NCSTN: variants seen among roughly 807,000 people sequenced by gnomAD.
NCSTN encodes the protein anterior pharynx-defective 2.
Under a neutral mutation model 87.0 loss-of-function variants are expected in NCSTN, and 22 were observed. That is an observed-to-expected ratio of 0.25 (90% CI 0.18 to 0.36). NCSTN has a LOEUF of 0.36. Among genes scored for constraint, NCSTN ranks in the 10% least tolerant of loss-of-function variants. The probability of loss-of-function intolerance (pLI) is 1.00; values close to 1 mark genes in which losing one functional copy is unlikely to be tolerated. For missense variants in NCSTN, 693 were observed against 883.3 expected, an observed-to-expected ratio of 0.78 and a Z score of 2.73; for synonymous variants, 306 against 327.1, an observed-to-expected ratio of 0.94 and a Z score of 0.69.
intron 7 of NCSTN, 55 bp downstream of exon 7, chr1:160,351,860 G>GGCCCC: frequency 6.7e-7 from 1 of 1,490,876 alleles, no homozygotes; most frequent in Non-Finnish European, 9.4e-7. Flanking sequence ...AGAGCTGGTA[G>GGCCCC]GCCCCGCTCT....
chr1:160,343,880 G>A (rs922628072), intron 1 of NCSTN: 9 of 423,114 alleles, frequency 2.1e-5, no homozygotes, highest in African/African-American at 1.5e-4. Context: ...GCTGTGCGGC[G>A]CTTAAAAGGT....
intron 2 of NCSTN, 119 bp from the exon 3 acceptor site, chr1:160,348,880 C>A: frequency 7.1e-7 from 1 of 1,416,104 alleles, no homozygotes; most frequent in Non-Finnish European, 1.0e-6. Flanking sequence ...CTAGAGGTGC[C>A]TGTATTCACC....
chr1:160,357,173 A>G lies in NCSTN; in HGVS notation c.1927A>G (p.Thr643Ala), dbSNP rs1649173490. The G allele has an allele frequency of 1.2e-6, 2 of 1,614,032 alleles. No homozygotes were observed. Among genetic ancestry groups the G allele is most frequent in the African/African-American group, 1.3e-5 (1 of 74,912 alleles). ...CTTTGAACTGAGTCAGTGGAGCTCTACTGAATACTCTACATGGACTGAGAG... is the reference window on the plus strand; with the variant it reads ...CTTTGAACTGAGTCAGTGGAGCTCTGCTGAATACTCTACATGGACTGAGAG... ...PAFELSQWSS[T>A]EYSTWTESRW... is the part of the protein sequence containing the mutation. The change falls in exon 16 of 17, where the codon ACT becomes GCT. Residue 643 changes from threonine (T) to alanine (A), a missense_variant. Physicochemically the swap from Thr to Ala is moderately conservative, Grantham distance 58. This residue lies in a region of NCSTN where 216 missense variants were observed against 311.7 expected (regional missense o/e 0.69). Transcript: ENST00000294785.
chr1:160,344,374 A>T, intron 1 of NCSTN: 1 of 1,135,104 alleles, frequency 8.8e-7, no homozygotes, highest in South Asian at 1.7e-5. Flanking sequence ...TTAGTAATAT[A>T]CATACAGGAT....
rs780695633 is a variant in NCSTN, at chr1:160,357,163, G to C, written c.1917G>C (p.Gln639His). 6.2e-7 allele frequency: 1 copy of C among 1,614,150 alleles called. No homozygotes were observed. Among genetic ancestry groups the C allele is most frequent in the Non-Finnish European group, 8.5e-7 (1 of 1,180,014 alleles). The change falls in exon 16 of 17, where the codon CAG becomes CAC. Residue 639 changes from glutamine (Q) to histidine (H), a missense_variant. Around this residue, in one of 4 missense-constraint regions of NCSTN, gnomAD observed 216 missense variants for 311.7 expected, o/e 0.69. Transcript: ENST00000294785. ...RALSPAFELS[Q>H]WSSTEYSTWT... ...TGTCTCCTGCCTTTGAACTGAGTCA[G>C]TGGAGCTCTACTGAATACTCTACAT... is the stretch of plus-strand genomic sequence containing the variant.
intron 10 of NCSTN, chr1:160,353,564 C>T (rs1648983087): frequency 4.0e-6 from 5 of 1,242,788 alleles, no homozygotes; most frequent in South Asian, 3.3e-5. Context: ...GGCTGCTCTA[C>T]CCAAGTCCTG....
At position 160,357,232 on chromosome 1, in the gene NCSTN, C is replaced by T. The variant is rs565309082; in HGVS notation, c.1986C>T (p.Leu662=). Residue 662 remains leucine, a synonymous_variant, in exon 16 of 17, where the codon CTC becomes CTT. Coordinates refer to ENST00000294785, the MANE Select transcript of NCSTN (RefSeq NM_015331.3). ...RWKDIRARIF[L]IASKELELIT... ...AAGATATCCGTGCCCGGATATTTCT[C>T]ATCGCCAGCAAAGAGCTTGAGGTGA... The T allele has an allele frequency of 6.2e-6, 10 of 1,613,736 alleles. No individual in the cohort carries two copies. In the African/African-American group the frequency reaches 1.2e-4, roughly 19 times the overall value.
At chr1:160,344,885 A>G (rs1245611003) in intron 2 of NCSTN, 59 bp downstream of exon 2, 1 of 1,393,364 alleles carries the variant, frequency 7.2e-7, no homozygotes, top group Non-Finnish European at 1.0e-6. Flanking sequence ...CCTAGATACT[A>G]AGTAACATCC....
chr1:160,356,514 T>C, intron 14 of NCSTN, 86 bp from the exon 15 acceptor site: 2 of 1,561,912 alleles, frequency 1.3e-6, no homozygotes, highest in Non-Finnish European at 1.8e-6. Flanking sequence ...ATTGCCCTTC[T>C]TTCTGGCTGC....
intron 4 of NCSTN, 141 bp from the exon 5 acceptor site, chr1:160,349,964 T>C: frequency 2.8e-6 from 3 of 1,087,640 alleles, no homozygotes; most frequent in Admixed American, 1.7e-5. Context: ...TGGATGGTAA[T>C]AGACTTCATG....
chr1:160,345,864 A>G (rs114858223), intron 2 of NCSTN, among the ~76,000 whole-genome samples: 2,506 of 139,578 alleles, frequency 0.018, 27 homozygotes, highest in Non-Finnish European at 0.026. Flanking sequence ...CCTTGAGCCC[A>G]GGAGGCGGAG....
intron 5 of NCSTN, 60 bp downstream of exon 5, chr1:160,350,310 G>T: frequency 1.3e-6 from 2 of 1,593,446 alleles, no homozygotes; most frequent in Non-Finnish European, 1.7e-6. Context: ...TTTCTAGCCA[G>T]GTGTGGTGGT....
Position 160,351,601 on chromosome 1 carries a change from G to C in NCSTN, c.734-95G>C. 2.3e-6 allele frequency: 3 copies of C among 1,315,610 alleles called. No homozygotes were observed. The South Asian group carries it at 3.5e-5, about 16-fold the overall frequency. The allele number at this position is 1,315,610 out of a possible 1,614,324, so 81.5% of individuals were successfully genotyped here. ...TTGGAAGTAGAGAAAACGACTTAGA[G>C]TCCGTGGGGCACTGGTCAGAGATTT... On this transcript the variant is annotated intron_variant, in intron 6 of 16. Transcript: ENST00000294785.
chr1:160,352,987 G>A lies in NCSTN; in HGVS notation c.1097G>A (p.Gly366Glu). The change falls in exon 9 of 17, where the codon GGA becomes GAA. Residue 366 changes from glycine (G) to glutamate (E), a missense_variant. Gly to Glu is a moderately conservative substitution (Grantham distance 98). Around this residue, in one of 4 missense-constraint regions of NCSTN, gnomAD observed 134 missense variants for 226.0 expected, o/e 0.59. Transcript: ENST00000294785. Reference sequence around the variant, plus strand: ...AATGTTGACTCATTTGTGGAGCTGGGACAGGTATGTGGCATGTCCCCCAGC... The same window carrying A: ...AATGTTGACTCATTTGTGGAGCTGGAACAGGTATGTGGCATGTCCCCCAGC... Reference protein sequence around the residue: ...LENVDSFVELGQVALRTSLEL... With the variant: ...LENVDSFVELEQVALRTSLEL... 2 of 1,613,510 alleles carry A rather than the reference G, an allele frequency of 1.2e-6. No individual in the cohort carries two copies. The highest frequency in any genetic ancestry group is 4.5e-5 in the East Asian group (2 of 44,878).
Position 160,355,677 on chromosome 1 carries a change from A to G in NCSTN, c.1375A>G (p.Thr459Ala). The G allele has an allele frequency of 6.2e-7, 1 of 1,614,136 alleles. No homozygotes were observed. Among genetic ancestry groups the G allele is most frequent in the African/African-American group, 1.3e-5 (1 of 75,070 alleles). The change falls in exon 12 of 17, where the codon ACT (threonine) becomes GCT (alanine). Residue 459 changes from threonine to alanine, a missense_variant. Around this residue, in one of 4 missense-constraint regions of NCSTN, gnomAD observed 108 missense variants for 111.6 expected, o/e 0.97. Transcript: ENST00000294785. Reference protein sequence around the residue: ...HNKYYQSIYDTAENINVSYPE... With the variant: ...HNKYYQSIYDAAENINVSYPE... ...CAGATATTACCAGAGTATTTACGACACTGCTGAGAACATTAATGTGAGCTA... is the reference window on the plus strand; with the variant it reads ...CAGATATTACCAGAGTATTTACGACGCTGCTGAGAACATTAATGTGAGCTA...
intron 12 of NCSTN, 21 bp from the exon 13 acceptor site, chr1:160,355,842 C>A: frequency 6.2e-7 from 1 of 1,610,250 alleles, no homozygotes; most frequent in South Asian, 1.1e-5. Context: ...GGCCATTCAG[C>A]CCCCTCCTCA....
At chr1:160,356,391 G>C in intron 14 of NCSTN, 44 bp downstream of exon 14, 1 of 1,528,290 alleles carries the variant, frequency 6.5e-7, no homozygotes, top group South Asian at 1.1e-5. Flanking sequence ...TGAGGAAAGG[G>C]ATAGAGAAAA....
rs770064036 is a variant in NCSTN, at chr1:160,349,119, C to T, written c.311C>T (p.Thr104Ile). ...GTTCTGCTGGAGAGCAAGCATTTTA[C>T]CAGGTAAGAACTAGATGTATCTGCT... ...YMVLLESKHF[T>I]RDLMEKLKGR... Residue 104 changes from threonine to isoleucine, a missense_variant, in exon 3 of 17, where the codon ACC (threonine) becomes ATC (isoleucine). Around this residue, in one of 4 missense-constraint regions of NCSTN, gnomAD observed 235 missense variants for 233.9 expected, o/e 1.00. Coordinates refer to ENST00000294785, the MANE Select transcript of NCSTN (RefSeq NM_015331.3). 6.2e-7 allele frequency: 1 copy of T among 1,614,124 alleles called. No homozygotes were observed. The highest frequency in any genetic ancestry group is 1.1e-5 in the South Asian group (1 of 91,088).
At chr1:160,357,683 G>A (rs1649197215) in intron 16 of NCSTN, among the ~76,000 whole-genome samples, 1 of 152,210 alleles carries the variant, frequency 6.6e-6, no homozygotes, top group Non-Finnish European at 1.5e-5. Flanking sequence ...TGGGATTATA[G>A]GCGTGAGCCA....
Sources: allele counts gnomAD v4.1 joint callset (sites outside exome capture counted in the v4.1 genomes callset), GRCh38; gene constraint gnomAD v4.1.1; regional missense constraint gnomAD v4.1.1; transcripts MANE v1.5; gene names NCBI Gene and HGNC (gene_info 2026-07-23, HGNC 2026-07-21).